Variants in ST18 observed in about 807,000 individuals in gnomAD.
ST18 encodes the protein suppression of tumorigenicity 18 protein.
ST18 carries 50 observed loss-of-function variants against 110.0 expected under a neutral mutation model. The ratio of observed to expected loss-of-function variants is 0.45; its 90% CI spans 0.36 to 0.58. ST18 has a LOEUF of 0.58. ST18 is among the 20% of genes least tolerant of loss of function. The pLI is 0.00. For synonymous variants in ST18, 461 were observed against 452.4 expected, an observed-to-expected ratio of 1.02 and a Z score of -0.24; for missense variants, 1,306 against 1,280.1, an observed-to-expected ratio of 1.02 and a Z score of -0.31.
intron 25 of ST18, among the ~76,000 whole-genome samples, chr8:52,115,255 C>T (rs115845375): frequency 0.016 from 2,435 of 152,226 alleles, 76 homozygotes; most frequent in African/African-American, 0.055. Flanking sequence ...ATAAAATAGG[C>T]ATCTTTGGAA....
At chr8:52,276,310 T>A (rs2095263235) in intron 2 of ST18, among the ~76,000 whole-genome samples, 1 of 140,258 alleles carries the variant, frequency 7.1e-6, no homozygotes, top group Non-Finnish European at 1.6e-5. Flanking sequence ...ATACCACACC[T>A]CACACAAACA....
intron 2 of ST18, among the ~76,000 whole-genome samples, chr8:52,344,238 A>G (rs1298237891): frequency 1.5e-5 from 1 of 68,362 alleles, no homozygotes; most frequent in Non-Finnish European, 2.8e-5. Flanking sequence ...GCAAGATATT[A>G]TAAAAGAAGC....
rs2040655488 is a variant in ST18, at chr8:52,111,946, GTC to G, written c.*1250_*1251del. On this transcript the variant is annotated 3_prime_UTR_variant, in exon 26 of 26. Transcript: ENST00000689386. ...TGGGCTCAATTTGAAGTGTGGATGA[GTC>G]TGTGTGTGTGTGTGTGTGTGTGTCT... 6.6e-6 allele frequency: 1 copy of G among 152,286 alleles called. No homozygotes were observed. The highest frequency in any genetic ancestry group is 2.1e-4 in the South Asian group (1 of 4,786). The allele number at this position is 152,286 out of a possible 1,614,324, so 9.4% of individuals were successfully genotyped here. A position where few individuals can be genotyped will look rare whatever the true frequency, so the allele number is the denominator to read the frequency against.
intron 2 of ST18, among the ~76,000 whole-genome samples, chr8:52,311,459 CA>C (rs375512131): frequency 1.3e-5 from 2 of 152,120 alleles, no homozygotes; most frequent in African/African-American, 2.4e-5. Flanking sequence ...ATTGTCTCAT[CA>C]AAAAATCTTC....
chr8:52,262,486 G>T (rs557999529), intron 2 of ST18, among the ~76,000 whole-genome samples: 1 of 152,322 alleles, frequency 6.6e-6, no homozygotes, highest in Non-Finnish European at 1.5e-5. Flanking sequence ...AAAGCCACAT[G>T]TTGAAGATGG....
At chr8:52,386,577 A>T (rs948164030) in intron 2 of ST18, among the ~76,000 whole-genome samples, 1 of 152,230 alleles carries the variant, frequency 6.6e-6, no homozygotes, top group African/African-American at 2.4e-5. Flanking sequence ...TTATAAAGCA[A>T]TGTTACTCTT....
At chr8:52,263,493 G>A (rs576926054) in intron 2 of ST18, among the ~76,000 whole-genome samples, 94 of 152,156 alleles carry the variant, frequency 6.2e-4, no homozygotes, top group Non-Finnish European at 1.2e-3. Flanking sequence ...CACTCTGAGT[G>A]CCAAGTGTTG....
chr8:52,256,097 G>A (rs1269294560), intron 2 of ST18, among the ~76,000 whole-genome samples: 2 of 152,212 alleles, frequency 1.3e-5, no homozygotes, highest in Non-Finnish European at 2.9e-5. Context: ...TCAAAACAAA[G>A]CCAGTCCATC....
At chr8:52,376,158 A>G (rs1268825022) in intron 2 of ST18, among the ~76,000 whole-genome samples, 1 of 152,108 alleles carries the variant, frequency 6.6e-6, no homozygotes, top group Non-Finnish European at 1.5e-5. Context: ...AGAAATCAAA[A>G]TTCATCTGCT....
chr8:52,294,856 T>C (rs2095607495), intron 2 of ST18, among the ~76,000 whole-genome samples: 1 of 152,238 alleles, frequency 6.6e-6, no homozygotes, highest in Non-Finnish European at 1.5e-5. Context: ...TCTGGACTCA[T>C]GGCTACTCTG....
At chr8:52,252,992 C>T (rs1438134296) in intron 2 of ST18, among the ~76,000 whole-genome samples, 9 of 150,742 alleles carry the variant, frequency 6.0e-5, no homozygotes, top group Non-Finnish European at 8.9e-5. Flanking sequence ...CCTAACATAA[C>T]GATAGTGCAC....
intron 2 of ST18, among the ~76,000 whole-genome samples, chr8:52,293,035 G>A (rs2095579675): frequency 6.6e-6 from 1 of 152,206 alleles, no homozygotes; most frequent in South Asian, 2.1e-4. Context: ...TGAGAATTAT[G>A]TACTTTCTCT....
chr8:52,240,445 G>A (rs2093287160), intron 2 of ST18, among the ~76,000 whole-genome samples: 1 of 152,110 alleles, frequency 6.6e-6, no homozygotes, highest in Non-Finnish European at 1.5e-5. Flanking sequence ...TTATAAAGGT[G>A]TCTCAATCTG....
chr8:52,395,384 T>G (rs1840737143), intron 2 of ST18, among the ~76,000 whole-genome samples: 1 of 151,896 alleles, frequency 6.6e-6, no homozygotes, highest in Non-Finnish European at 1.5e-5. Context: ...AGGAGTGGAG[T>G]GGGACTTGCC....
intron 22 of ST18, among the ~76,000 whole-genome samples, chr8:52,130,366 C>CTGCA (rs1473496179): frequency 6.6e-6 from 1 of 152,190 alleles, no homozygotes; most frequent in Non-Finnish European, 1.5e-5. Flanking sequence ...TCACAGCTCA[C>CTGCA]TGCAGCCTCA....
rs201811832 is a variant in ST18 at position 52,149,756 on chromosome 8, G to T, written c.2028C>A (p.His676Gln). 8 of 1,614,010 alleles carry T rather than the reference G, an allele frequency of 5.0e-6. 1 individual carries two copies. In the South Asian group the frequency reaches 8.8e-5, roughly 18 times the overall value. ...CCTCTTTCTCCTCCTCTGTCTTCCC[G>T]TGAGTTTTGCTATAGTTGATAGGAG... ...WDTPINYSKTHGKTEEEKEKD... is the reference protein window; with the variant it reads ...WDTPINYSKTQGKTEEEKEKD... The change falls in exon 16 of 26, where the codon CAC (histidine) becomes CAA (glutamine). Residue 676 changes from histidine (H) to glutamine (Q), a missense_variant. By Grantham distance (24) the His-to-Gln change is conservative. Transcript: ENST00000689386.
intron 17 of ST18, 74 bp from the exon 18 acceptor site, chr8:52,137,557 G>A (rs2131812388): frequency 6.1e-6 from 9 of 1,467,084 alleles, no homozygotes; most frequent in Middle Eastern, 1.7e-4. Context: ...AGTAGATTAC[G>A]GAGGAGGTAG....
chr8:52,173,017 T>G (rs1320257674), intron 9 of ST18, among the ~76,000 whole-genome samples: 1 of 152,182 alleles, frequency 6.6e-6, no homozygotes, highest in Non-Finnish European at 1.5e-5. Flanking sequence ...TAGTATACAT[T>G]GTAAAGGAGA....
At chr8:52,156,940 C>T (rs901927118) in intron 15 of ST18, among the ~76,000 whole-genome samples, 2 of 152,146 alleles carry the variant, frequency 1.3e-5, no homozygotes, top group Non-Finnish European at 2.9e-5. Context: ...TCTCTTCCAC[C>T]CTCGTCACCA....
Sources: allele counts gnomAD v4.1 joint callset (sites outside exome capture counted in the v4.1 genomes callset), GRCh38; gene constraint gnomAD v4.1.1; transcripts MANE v1.5; gene names NCBI Gene and HGNC (gene_info 2026-07-23, HGNC 2026-07-21).